Variants in LOC128462377 observed in about 807,000 individuals in gnomAD.
At chr16:89,321,695 A>C in the LOC128462377 span, among the ~76,000 whole-genome samples, 2 of 151,506 alleles carry the variant, frequency 1.3e-5, no homozygotes, top group African/African-American at 4.9e-5. Flanking sequence ...TAATCTTAAA[A>C]CTCACAGAAA....
At chr16:89,388,293 A>ATTTTTTTTGTTTTTTTTT in the LOC128462377 span, among the ~76,000 whole-genome samples, 1 of 85,266 alleles carries the variant, frequency 1.2e-5, no homozygotes, top group Non-Finnish European at 2.3e-5. Flanking sequence ...CATGAGGCTG[A>ATTTTTTTTGTTTTTTTTT]TTTTTTTTTT....
the LOC128462377 span, among the ~76,000 whole-genome samples, chr16:89,363,207 T>G: frequency 6.6e-6 from 1 of 152,224 alleles, no homozygotes; most frequent in African/African-American, 2.4e-5. Context: ...AAAAGAATTC[T>G]GATCAGAAAT....
the LOC128462377 span, among the ~76,000 whole-genome samples, chr16:89,322,738 G>A: frequency 1.3e-5 from 2 of 152,154 alleles, no homozygotes; most frequent in East Asian, 1.9e-4. Flanking sequence ...GGCACCAGGG[G>A]CTTGCTCCCA....
At chr16:89,385,228 C>A in the LOC128462377 span, among the ~76,000 whole-genome samples, 1 of 151,068 alleles carries the variant, frequency 6.6e-6, no homozygotes, top group Non-Finnish European at 1.5e-5. Context: ...CTCCCTCTGT[C>A]ACCCAGGCTG....
At chr16:89,390,204 C>T in the LOC128462377 span, among the ~76,000 whole-genome samples, 3 of 105,170 alleles carry the variant, frequency 2.9e-5, no homozygotes, top group African/African-American at 1.2e-4. Flanking sequence ...ATCACTGGGG[C>T]GAACACCGAG....
the LOC128462377 span, among the ~76,000 whole-genome samples, chr16:89,372,329 G>T: frequency 1.3e-5 from 2 of 152,258 alleles, no homozygotes; most frequent in African/African-American, 4.8e-5. Flanking sequence ...CGACGGATGC[G>T]GCCACCACTG....
chr16:89,356,533 A>G, the LOC128462377 span, among the ~76,000 whole-genome samples: 1 of 151,724 alleles, frequency 6.6e-6, no homozygotes, highest in African/African-American at 2.4e-5. Flanking sequence ...GCTCTTTGGG[A>G]GGCCGAGGCG....
chr16:89,328,225 TG>T, the LOC128462377 span, among the ~76,000 whole-genome samples: 2 of 152,202 alleles, frequency 1.3e-5, no homozygotes. Context: ...GTAGAAAAGC[TG>T]GAACTCTCTC....
At chr16:89,317,116 G>C in the LOC128462377 span, 96 of 1,379,230 alleles carry the variant, frequency 7.0e-5, no homozygotes, top group Non-Finnish European at 9.5e-5. Context: ...TGAATTCAGA[G>C]GCAGCTCAAA....
chr16:89,351,657 C>A, the LOC128462377 span, among the ~76,000 whole-genome samples: 1 of 152,128 alleles, frequency 6.6e-6, no homozygotes, highest in African/African-American at 2.4e-5. Flanking sequence ...GACCTGGGCG[C>A]AGGTTCGTGT....
chr16:89,334,144 T>TTAAAA, the LOC128462377 span, among the ~76,000 whole-genome samples: 1 of 41,410 alleles, frequency 2.4e-5, no homozygotes, highest in African/African-American at 9.6e-5. Context: ...CCCTGTGTTT[T>TTAAAA]AAAAAAAAAA....
the LOC128462377 span, among the ~76,000 whole-genome samples, chr16:89,362,849 C>G: frequency 6.6e-6 from 1 of 152,088 alleles, no homozygotes; most frequent in African/African-American, 2.4e-5. Flanking sequence ...TTCCTTTGTT[C>G]TCCTCTGCCT....
chr16:89,357,299 G>A, the LOC128462377 span, among the ~76,000 whole-genome samples: 2 of 152,184 alleles, frequency 1.3e-5, no homozygotes, highest in African/African-American at 4.8e-5. Flanking sequence ...AGGGCAGTCA[G>A]GGACTGTGCT....
chr16:89,363,181 T>C, the LOC128462377 span, among the ~76,000 whole-genome samples: 1 of 152,208 alleles, frequency 6.6e-6, no homozygotes, highest in Non-Finnish European at 1.5e-5. Context: ...AAAAAAAATA[T>C]ACGATGTTTC....
the LOC128462377 span, among the ~76,000 whole-genome samples, chr16:89,353,695 G>C: frequency 6.6e-6 from 1 of 152,166 alleles, no homozygotes; most frequent in African/African-American, 2.4e-5. Context: ...GGCCAGGCTG[G>C]TTTCGAACTC....
chr16:89,354,307 G>A, the LOC128462377 span, among the ~76,000 whole-genome samples: 1 of 146,216 alleles, frequency 6.8e-6, no homozygotes, highest in South Asian at 2.1e-4. Flanking sequence ...AATTTGAAAA[G>A]CCTCCTTTTC....
the LOC128462377 span, among the ~76,000 whole-genome samples, chr16:89,359,798 AAAGAT>A: frequency 6.6e-6 from 1 of 152,224 alleles, no homozygotes; most frequent in Non-Finnish European, 1.5e-5. Flanking sequence ...TGTGATGCAG[AAAGAT>A]AAGATAGTTT....
At chr16:89,329,079 C>G in the LOC128462377 span, 1 of 153,096 alleles carries the variant, frequency 6.5e-6, no homozygotes, top group Non-Finnish European at 1.5e-5. Flanking sequence ...GAGGCCCCTG[C>G]TGAGTGAGTG....
At chr16:89,385,993 G>A in the LOC128462377 span, among the ~76,000 whole-genome samples, 11 of 152,316 alleles carry the variant, frequency 7.2e-5, no homozygotes, top group South Asian at 1.4e-3. Flanking sequence ...CCGGCCTCCC[G>A]CTCAGCCTCC....
Sources: allele counts gnomAD v4.1 joint callset (sites outside exome capture counted in the v4.1 genomes callset), GRCh38; gene constraint gnomAD v4.1.1; transcripts MANE v1.5.